LRRC7: variants seen among roughly 807,000 people sequenced by gnomAD.
The protein encoded by LRRC7 is leucine rich repeat containing 7.
Under a neutral mutation model 175.7 loss-of-function variants are expected in LRRC7, and 23 were observed. The observed-to-expected ratio is 0.13, with a 90% CI of 0.09 to 0.19. LRRC7 has a LOEUF of 0.19. LRRC7 is among the 10% of genes least tolerant of loss of function. LRRC7 has a pLI of 1.00. For synonymous variants in LRRC7, 685 were observed against 680.9 expected (o/e 1.01, Z -0.09); for missense variants, 1,354 against 1,904.7 (o/e 0.71, Z 5.38).
intron 1 of LRRC7, among the ~76,000 whole-genome samples, chr1:69,579,886 C>T (rs1048151494): frequency 2.7e-5 from 4 of 148,364 alleles, no homozygotes; most frequent in South Asian, 2.1e-4. Context: ...CTCCTGCCTT[C>T]GCCTCCCAAA....
chr1:69,638,033 G>A (rs951719292), intron 1 of LRRC7, among the ~76,000 whole-genome samples: 2 of 151,764 alleles, frequency 1.3e-5, no homozygotes, highest in African/African-American at 4.8e-5. Flanking sequence ...TGAGCAATAT[G>A]TTAGTGTCAA....
rs1235752224 is a variant in LRRC7, at chr1:70,126,154, A to G, written c.*4267A>G. ...ATGAATACATTCTCATCAAGAGGCA[A>G]GAATACAACATAACCAGGTCAAAAG... On this transcript the variant is annotated 3_prime_UTR_variant, in exon 27 of 27. Coordinates refer to ENST00000651989, the MANE Select transcript of LRRC7 (RefSeq NM_001370785.2). 6.6e-6 allele frequency among the ~76,000 whole-genome samples: 1 copy of G among 152,126 alleles called. No individual in the cohort carries two copies. The highest frequency in any genetic ancestry group is 2.4e-5 in the African/African-American group (1 of 41,422).
intron 1 of LRRC7, among the ~76,000 whole-genome samples, chr1:69,642,548 G>A (rs866665378): frequency 3.3e-5 from 5 of 151,804 alleles, no homozygotes; most frequent in East Asian, 1.9e-4. Flanking sequence ...TTTCTTTCTC[G>A]TCTTTTCTTT....
At chr1:69,909,350 GT>G (rs1646439954) in intron 7 of LRRC7, among the ~76,000 whole-genome samples, 1 of 152,100 alleles carries the variant, frequency 6.6e-6, no homozygotes, top group Non-Finnish European at 1.5e-5. Context: ...AGTTGATGCA[GT>G]TTTCTTCCTA....
chr1:69,831,069 C>T (rs987702459), intron 5 of LRRC7, among the ~76,000 whole-genome samples: 2 of 151,810 alleles, frequency 1.3e-5, no homozygotes, highest in African/African-American at 2.4e-5. Context: ...TTATTACATA[C>T]ATATGGAGAA....
chr1:69,901,940 G>A (rs1425966307), intron 7 of LRRC7, among the ~76,000 whole-genome samples: 3 of 151,450 alleles, frequency 2.0e-5, no homozygotes, highest in Admixed American at 2.0e-4. Context: ...CTGACTTCTG[G>A]GTATCATGAT....
At chr1:69,734,234 A>T (rs1667877474) in intron 2 of LRRC7, among the ~76,000 whole-genome samples, 1 of 151,924 alleles carries the variant, frequency 6.6e-6, no homozygotes, top group Non-Finnish European at 1.5e-5. Context: ...GCCGTCATAG[A>T]TTACCCCTAT....
chr1:69,911,369 A>C lies in LRRC7; in HGVS notation c.648-20138A>C, dbSNP rs143790386. ...CACCCTGTTGTAAGTTCTTTGAGAA[A>C]TTGCCAAACTGCTTTCCACAATGAC... On this transcript the variant is annotated intron_variant, in intron 7 of 26. Transcript: ENST00000651989. Among the ~76,000 whole-genome samples, 496 of 152,306 alleles carry C rather than the reference A, an allele frequency of 3.3e-3. 1 individual carries two copies. The highest frequency in any genetic ancestry group is 0.011 in the African/African-American group (448 of 41,562).
intron 16 of LRRC7, chr1:70,021,467 T>C (rs1657493308): frequency 5.8e-6 from 1 of 173,072 alleles, no homozygotes; most frequent in Non-Finnish European, 1.2e-5. Context: ...CTACGATGAT[T>C]TTTTTTAATC....
At chr1:69,768,349 T>C (rs1671849724) in intron 3 of LRRC7, among the ~76,000 whole-genome samples, 1 of 152,200 alleles carries the variant, frequency 6.6e-6, no homozygotes, top group Admixed American at 6.5e-5. Flanking sequence ...AGGCTTGCTC[T>C]GCCCCTGGCT....
chr1:70,025,935 T>C (rs897063831), intron 17 of LRRC7, among the ~76,000 whole-genome samples: 8 of 152,184 alleles, frequency 5.3e-5, no homozygotes, highest in African/African-American at 1.9e-4. Context: ...GCTTCATTAA[T>C]GCATAGTAAA....
chr1:69,835,780 G>C (rs1423117709), intron 6 of LRRC7, among the ~76,000 whole-genome samples: 2 of 151,756 alleles, frequency 1.3e-5, no homozygotes, highest in Non-Finnish European at 2.9e-5. Context: ...CTAGGATATT[G>C]GTTAAATATA....
intron 3 of LRRC7, among the ~76,000 whole-genome samples, chr1:69,787,106 G>C (rs909248213): frequency 6.6e-6 from 1 of 152,326 alleles, no homozygotes; most frequent in Non-Finnish European, 1.5e-5. Flanking sequence ...CACAGGCCCC[G>C]TGCAAGTCCA....
At chr1:69,638,141 TA>T (rs1653682358) in intron 1 of LRRC7, among the ~76,000 whole-genome samples, 1 of 151,932 alleles carries the variant, frequency 6.6e-6, no homozygotes, top group Non-Finnish European at 1.5e-5. Context: ...AATTTTAATA[TA>T]AAGATGGGAA....
rs151169158 is a variant in LRRC7, at chr1:69,635,008, C to T, written c.3-43373C>T. 4.9e-4 allele frequency among the ~76,000 whole-genome samples: 75 copies of T among 152,060 alleles called. 1 individual carries two copies. The East Asian group carries it at 0.011, about 22-fold the overall frequency. On this transcript the variant is annotated intron_variant, in intron 1 of 26. Transcript: ENST00000651989. ...TTGTTACATAGACAAAGTTGTGTTA[C>T]GGGGGTTTGTTGTACAGATTATTTC...
intron 4 of LRRC7, among the ~76,000 whole-genome samples, chr1:69,794,795 A>C (rs1339496289): frequency 6.6e-6 from 1 of 152,196 alleles, no homozygotes; most frequent in African/African-American, 2.4e-5. Context: ...CTCTTACATC[A>C]AGAAATGTTT....
intron 1 of LRRC7, among the ~76,000 whole-genome samples, chr1:69,606,696 G>C (rs1647641198): frequency 6.6e-6 from 1 of 152,104 alleles, no homozygotes; most frequent in Non-Finnish European, 1.5e-5. Flanking sequence ...ATGAGCTGTA[G>C]AGTCCATGGC....
intron 2 of LRRC7, among the ~76,000 whole-genome samples, chr1:69,704,184 A>G (rs1228547361): frequency 6.6e-6 from 1 of 152,010 alleles, no homozygotes; most frequent in African/African-American, 2.4e-5. Flanking sequence ...AAACTAGTTT[A>G]TAAAAGACTT....
At chr1:70,091,898 A>G (rs1210127019) in intron 25 of LRRC7, among the ~76,000 whole-genome samples, 2 of 152,158 alleles carry the variant, frequency 1.3e-5, no homozygotes, top group Non-Finnish European at 2.9e-5. Flanking sequence ...CTCTATTATT[A>G]TAAAATTGGT....
Sources: gnomAD v4.1 joint callset for allele counts (sites outside exome capture counted in the v4.1 genomes callset) on GRCh38, gnomAD v4.1.1 for gene constraint, MANE v1.5 for transcripts, NCBI Gene and HGNC (gene_info 2026-07-23, HGNC 2026-07-21) for gene names.